NPL: variants seen among roughly 807,000 people sequenced by gnomAD.
NPL encodes the protein N-acetylneuraminate lyase.
In NPL, 32 loss-of-function variants were observed where a neutral mutation model predicts 41.1. That is an observed-to-expected ratio of 0.78 (90% CI 0.59 to 1.05). The LOEUF is 1.05. Ranked by LOEUF, NPL falls within the 50% of genes least tolerant of loss-of-function variation. The pLI is 0.00. For missense variants in NPL, 321 were observed against 378.4 expected (o/e 0.85, Z 1.26); for synonymous variants, 128 against 134.9 (o/e 0.95, Z 0.35).
chr1:182,804,603 A>G (rs1487026223), intron 4 of NPL, among the ~76,000 whole-genome samples: 1 of 152,218 alleles, frequency 6.6e-6, no homozygotes, highest in Non-Finnish European at 1.5e-5. Context: ...TAAGCCTGAC[A>G]GCTATACTTA....
At chr1:182,825,354 T>C (rs572638803) in intron 11 of NPL, among the ~76,000 whole-genome samples, 40 of 152,326 alleles carry the variant, frequency 2.6e-4, no homozygotes, top group African/African-American at 8.2e-4. Context: ...CTTATGGAAG[T>C]TGAGGATCTA....
chr1:182,795,395 C>G (rs1488945622), intron 3 of NPL, among the ~76,000 whole-genome samples: 1 of 152,178 alleles, frequency 6.6e-6, no homozygotes, highest in East Asian at 1.9e-4. Context: ...TTTGAACTGC[C>G]TTTATGTCAT....
rs1441264565 is a variant in NPL, at chr1:182,806,202, C to T, written c.200C>T (p.Ala67Val). The change falls in exon 5 of 13, where the codon GCA (alanine) becomes GTA (valine). Residue 67 changes from alanine (A) to valine (V), a missense_variant. By Grantham distance (64) the Ala-to-Val change is moderately conservative. Transcript: ENST00000367553. ...AGCGTCTCAGAGCGTCGCCAGGTTG[C>T]AGAGGAGTGGGTGACAAAAGGGAAG... ...SLSVSERRQV[A>V]EEWVTKGKDK... The T allele has an allele frequency of 6.2e-7, 1 of 1,614,034 alleles. No individual in the cohort carries two copies. The highest frequency in any genetic ancestry group is 2.2e-5 in the East Asian group (1 of 44,884).
intron 1 of NPL, among the ~76,000 whole-genome samples, chr1:182,790,532 T>C (rs959344610): frequency 1.3e-5 from 2 of 152,256 alleles, no homozygotes; most frequent in African/African-American, 4.8e-5. Flanking sequence ...GATAATTATC[T>C]GTTATGCTTC....
At chr1:182,814,642 T>C (rs1053646126) in intron 6 of NPL, 141 bp from the exon 7 acceptor site, 50 of 725,556 alleles carry the variant, frequency 6.9e-5, no homozygotes, top group Admixed American at 8.6e-5. Context: ...ATGACATTCA[T>C]TAAATTTGGT....
At chr1:182,818,756 T>G (rs904515866) in intron 9 of NPL, 57 bp from the exon 10 acceptor site, 1 of 1,612,806 alleles carries the variant, frequency 6.2e-7, no homozygotes, top group African/African-American at 1.3e-5. Flanking sequence ...AGCTATATAG[T>G]AGCATCTCTT....
intron 6 of NPL, 31 bp downstream of exon 6, chr1:182,812,244 A>C (rs775114427): frequency 1.3e-6 from 2 of 1,586,584 alleles, no homozygotes; most frequent in South Asian, 2.2e-5. Flanking sequence ...GGGAGAGACC[A>C]TTCAAGGGGC....
At chr1:182,792,479 A>G (rs1666542759) in intron 2 of NPL, among the ~76,000 whole-genome samples, 193 bp downstream of exon 2, 1 of 152,184 alleles carries the variant, frequency 6.6e-6, no homozygotes, top group South Asian at 2.1e-4. Flanking sequence ...ACATCCCTCC[A>G]GTGGGGAGAT....
At chr1:182,816,201 A>G (rs996130539) in intron 7 of NPL, among the ~76,000 whole-genome samples, 2 of 152,162 alleles carry the variant, frequency 1.3e-5, no homozygotes, top group Admixed American at 1.3e-4. Flanking sequence ...ATGTATCTGG[A>G]TTTCTCCCCA....
chr1:182,790,174 A>T (rs537370313), intron 1 of NPL, among the ~76,000 whole-genome samples: 4 of 152,306 alleles, frequency 2.6e-5, no homozygotes, highest in East Asian at 3.9e-4. Flanking sequence ...CTGCTTTTTT[A>T]AAAATCCCTA....
chr1:182,810,695 CTTG>C (rs1667150912), intron 5 of NPL, among the ~76,000 whole-genome samples: 1 of 151,634 alleles, frequency 6.6e-6, no homozygotes, highest in South Asian at 2.1e-4. Flanking sequence ...TCCTCCCAAA[CTTG>C]TTTTTTTTTT....
At chr1:182,807,652 G>A (rs568496028) in intron 5 of NPL, among the ~76,000 whole-genome samples, 5 of 150,334 alleles carry the variant, frequency 3.3e-5, no homozygotes, top group Non-Finnish European at 7.4e-5. Context: ...CAAGGCGGGC[G>A]GATCACGAGG....
Position 182,812,407 on chromosome 1 carries a change from C to T in NPL, c.288+194C>T, listed in dbSNP as rs151095409. 2.9e-4 allele frequency among the ~76,000 whole-genome samples: 44 copies of T among 152,266 alleles called. No individual in the cohort carries two copies. The East Asian group carries it at 7.7e-3, about 27-fold the overall frequency. ...AGGTTGTAGCTCCAGGTGATGATGA[C>T]TGTAGGATAGGAGATGGAAGCACCT... On this transcript the variant is annotated intron_variant, in intron 6 of 12. Transcript: ENST00000367553.
intron 5 of NPL, among the ~76,000 whole-genome samples, chr1:182,811,833 A>G (rs1667184655): frequency 6.6e-6 from 1 of 152,206 alleles, no homozygotes; most frequent in Non-Finnish European, 1.5e-5. Flanking sequence ...TACAGAAAGG[A>G]AGAAATGAAT....
chr1:182,816,649 T>G, intron 7 of NPL, 65 bp from the exon 8 acceptor site: 1 of 1,181,432 alleles, frequency 8.5e-7, no homozygotes, highest in Non-Finnish European at 1.3e-6. Flanking sequence ...ATGATTCTCT[T>G]TTTTACCAGG....
At chr1:182,791,549 AGAGGGATTAG>A (rs1396935352) in intron 1 of NPL, among the ~76,000 whole-genome samples, 1 of 152,226 alleles carries the variant, frequency 6.6e-6, no homozygotes, top group Non-Finnish European at 1.5e-5. Context: ...GAAGAAGAGA[AGAGGGATTAG>A]GACAGTGATT....
At chr1:182,824,221 G>T (rs1409435782) in intron 11 of NPL, among the ~76,000 whole-genome samples, 2 of 152,140 alleles carry the variant, frequency 1.3e-5, no homozygotes, top group East Asian at 1.9e-4. Context: ...TTATGCAATT[G>T]AATTATATAT....
chr1:182,829,687 G>A lies in NPL; in HGVS notation c.*779G>A, dbSNP rs998169021. ...TTCCCCTTCCTCCACTGAGAAGACT[G>A]TCTCTCCCGCAGGACCCTGAATTAT... is the stretch of plus-strand genomic sequence containing the variant. On this transcript the variant is annotated 3_prime_UTR_variant, in exon 13 of 13. Transcript: ENST00000367553. The A allele has an allele frequency of 5.4e-6, 8 of 1,483,384 alleles. No individual in the cohort carries two copies. The highest frequency in any genetic ancestry group is 4.2e-5 in the African/African-American group (3 of 71,664). The allele number at this position is 1,483,384 out of a possible 1,614,324, so 91.9% of individuals were successfully genotyped here.
chr1:182,826,967 TAATAA>T, intron 12 of NPL: 1 of 152,316 alleles, frequency 6.6e-6, no homozygotes, highest in African/African-American at 2.4e-5. Context: ...CAGTAACTAA[TAATAA>T]AATAGAACAA....
Sources: gnomAD v4.1 joint callset for allele counts (sites outside exome capture counted in the v4.1 genomes callset) on GRCh38, gnomAD v4.1.1 for gene constraint, MANE v1.5 for transcripts, NCBI Gene and HGNC (gene_info 2026-07-23, HGNC 2026-07-21) for gene names.